The following SAMD5 variants were observed in gnomAD, a reference collection of about 807,000 sequenced individuals.
The protein encoded by SAMD5 is sterile alpha motif domain-containing protein 5.
A neutral mutation model predicts 11.3 loss-of-function variants in SAMD5; 13 were observed. The ratio of observed to expected loss-of-function variants is 1.15; its 90% CI spans 0.75 to 1.83. The LOEUF (loss-of-function observed/expected upper bound fraction) is 1.83, where lower values mean the gene tolerates loss of function less well. Among genes scored for constraint, SAMD5 ranks in the 40% most tolerant of loss-of-function variants. The pLI is 0.00. For missense variants in SAMD5, 255 were observed against 239.1 expected, an observed-to-expected ratio of 1.07 and a Z score of -0.44; for synonymous variants, 129 against 111.3, an observed-to-expected ratio of 1.16 and a Z score of -1.00.
chr6:147,625,064 G>A (rs1029925499), intron 1 of SAMD5, among the ~76,000 whole-genome samples: 7 of 152,118 alleles, frequency 4.6e-5, no homozygotes, highest in Non-Finnish European at 1.0e-4. Context: ...AAGACTGGGC[G>A]AAACAGGTGC....
intron 1 of SAMD5, among the ~76,000 whole-genome samples, chr6:147,582,729 A>G (rs988742748): frequency 1.3e-5 from 2 of 152,226 alleles, no homozygotes; most frequent in Non-Finnish European, 2.9e-5. Flanking sequence ...TGCCGTTTCT[A>G]TTGGAAGTGC....
intron 1 of SAMD5, among the ~76,000 whole-genome samples, chr6:147,581,688 C>T (rs567303083): frequency 5.9e-5 from 9 of 152,014 alleles, no homozygotes; most frequent in Middle Eastern, 3.2e-3. Context: ...AGCCCTATGA[C>T]GTAGAAATCA....
the SAMD5 span, among the ~76,000 whole-genome samples, chr6:147,812,655 C>T: frequency 6.6e-6 from 1 of 151,990 alleles, no homozygotes; most frequent in Non-Finnish European, 1.5e-5. Context: ...GGTTGCAGCT[C>T]GCTTCTCTGG....
chr6:147,635,370 A>G (rs545007279), intron 1 of SAMD5, among the ~76,000 whole-genome samples: 125 of 152,310 alleles, frequency 8.2e-4, no homozygotes, highest in Non-Finnish European at 1.5e-3. Flanking sequence ...CTTCTTAACA[A>G]TCCTATGAGG....
At chr6:147,859,035 G>GT in the SAMD5 span, among the ~76,000 whole-genome samples, 1 of 152,324 alleles carries the variant, frequency 6.6e-6, no homozygotes, top group Middle Eastern at 3.4e-3. Flanking sequence ...GGGAGTTTCT[G>GT]TTTTTCACTA....
At chr6:147,886,535 G>A in the SAMD5 span, among the ~76,000 whole-genome samples, 1 of 152,056 alleles carries the variant, frequency 6.6e-6, no homozygotes, top group Non-Finnish European at 1.5e-5. Context: ...GGTGGGACCT[G>A]TGACTTGCTT....
chr6:147,564,062 C>G (rs2128444509), intron 1 of SAMD5, among the ~76,000 whole-genome samples: 1 of 152,200 alleles, frequency 6.6e-6, no homozygotes, highest in African/African-American at 2.4e-5. Flanking sequence ...AGTAATGTGA[C>G]TTAGGAATGC....
At chr6:147,511,417 A>G (rs148066156) in intron 1 of SAMD5, among the ~76,000 whole-genome samples, 143 of 152,386 alleles carry the variant, frequency 9.4e-4, no homozygotes, top group African/African-American at 3.3e-3. Flanking sequence ...GAAAATGCCA[A>G]GTTGCACTGC....
intron 1 of SAMD5, among the ~76,000 whole-genome samples, chr6:147,734,691 C>G (rs9390494): frequency 9.6e-6 from 1 of 104,354 alleles, no homozygotes; most frequent in Non-Finnish European, 1.7e-5. Flanking sequence ...CCAGCCTGGG[C>G]GGCAGAGCGA....
At chr6:147,587,537 C>G (rs948809938) in intron 1 of SAMD5, among the ~76,000 whole-genome samples, 1 of 152,060 alleles carries the variant, frequency 6.6e-6, no homozygotes, top group African/African-American at 2.4e-5. Flanking sequence ...GCTCCCGGCC[C>G]TTTTCAATGA....
In SAMD5 at chr6:147,667,504, C is replaced by T. The variant is rs1001558498; in HGVS notation, c.163-69813C>T. Reference sequence around the variant, plus strand: ...AAAGGGGCCAAGAAAAAGCCAAGGGCAGAACAGATTCTCCTTGTCCTGTTT... The same window carrying T: ...AAAGGGGCCAAGAAAAAGCCAAGGGTAGAACAGATTCTCCTTGTCCTGTTT... On this transcript the variant is annotated intron_variant, in intron 1 of 1. Coordinates refer to the SAMD5 transcript ENST00000566741. Among the ~76,000 whole-genome samples the T allele has an allele frequency of 5.9e-5, 9 of 152,232 alleles. No homozygotes were observed. In the East Asian group the frequency reaches 1.7e-3, roughly 29 times the overall value.
chr6:147,772,241 A>G, the SAMD5 span, among the ~76,000 whole-genome samples: 1 of 152,156 alleles, frequency 6.6e-6, no homozygotes, highest in Admixed American at 6.5e-5. Context: ...GCCTGAGGGG[A>G]AAAGTAGTCT....
At chr6:147,656,359 G>C (rs1790568291) in intron 1 of SAMD5, among the ~76,000 whole-genome samples, 1 of 152,022 alleles carries the variant, frequency 6.6e-6, no homozygotes, top group South Asian at 2.1e-4. Context: ...ACTTTTGCAA[G>C]TCAAAAGCAA....
the SAMD5 span, among the ~76,000 whole-genome samples, chr6:147,942,193 A>G: frequency 1.3e-5 from 2 of 152,102 alleles, no homozygotes; most frequent in Admixed American, 1.3e-4. Flanking sequence ...AGCTTTTTAA[A>G]TGGGCACATT....
chr6:147,860,328 A>G, the SAMD5 span, among the ~76,000 whole-genome samples: 1 of 152,194 alleles, frequency 6.6e-6, no homozygotes. Context: ...CATTTGAACT[A>G]CATCTGCAGA....
chr6:147,764,041 C>CA, the SAMD5 span, among the ~76,000 whole-genome samples: 1 of 151,904 alleles, frequency 6.6e-6, no homozygotes, highest in Non-Finnish European at 1.5e-5. Flanking sequence ...TGCTCTTATC[C>CA]AAAAAAAGAA....
the SAMD5 span, among the ~76,000 whole-genome samples, chr6:147,753,113 T>C: frequency 6.6e-6 from 1 of 152,222 alleles, no homozygotes. Flanking sequence ...TCAATGCATT[T>C]GCTTAAATAT....
the SAMD5 span, among the ~76,000 whole-genome samples, chr6:147,912,841 T>A: frequency 3.3e-5 from 5 of 152,068 alleles, no homozygotes; most frequent in Non-Finnish European, 7.4e-5. Context: ...TAGGCTATAT[T>A]TTATATAAGA....
In SAMD5 at chr6:147,569,229, A is replaced by G. The variant is rs1320963922; in HGVS notation, c.*4773A>G. 2.9e-6 allele frequency: 1 copy of G among 346,194 alleles called. No individual in the cohort carries two copies. The highest frequency in any genetic ancestry group is 4.0e-6 in the Non-Finnish European group (1 of 249,166). 21.4% of individuals were successfully genotyped at this position (346,194 alleles called of 1,614,324 possible). On this transcript the variant is annotated 3_prime_UTR_variant, in exon 2 of 2. Coordinates refer to ENST00000367474, the MANE Select transcript of SAMD5 (RefSeq NM_001030060.3). ...GAGTGAGACTCTGTCTAAAAAAAAA[A>G]AAAAAAGAAAAGAAAAAAGAAAAAT...
Sources: allele counts gnomAD v4.1 joint callset (sites outside exome capture counted in the v4.1 genomes callset), GRCh38; gene constraint gnomAD v4.1.1; transcripts MANE v1.5; gene names NCBI Gene and HGNC (gene_info 2026-07-23, HGNC 2026-07-21).